The following CDH13 variants were observed in gnomAD, a reference collection of about 807,000 sequenced individuals.
The protein encoded by CDH13 is cadherin 13.
In CDH13, 24 loss-of-function variants were observed where a neutral mutation model predicts 63.8. The ratio of observed to expected loss-of-function variants is 0.38; its 90% CI spans 0.27 to 0.53. The LOEUF is 0.53. CDH13 is among the 20% of genes least tolerant of loss of function. The pLI, the probability that CDH13 is intolerant of heterozygous loss-of-function variation, is 0.85. For synonymous variants in CDH13, 503 were observed against 355.3 expected, an observed-to-expected ratio of 1.42 and a Z score of -4.67; for missense variants, 1,049 against 903.1, an observed-to-expected ratio of 1.16 and a Z score of -2.07.
chr16:83,454,975 G>T (rs1014179235), intron 6 of CDH13, among the ~76,000 whole-genome samples: 3 of 152,158 alleles, frequency 2.0e-5, no homozygotes, highest in Non-Finnish European at 4.4e-5. Context: ...CTCCCAAAGT[G>T]CTGAGATTAC....
intron 7 of CDH13, among the ~76,000 whole-genome samples, chr16:83,538,761 T>C (rs1179143698): frequency 1.3e-5 from 2 of 152,196 alleles, no homozygotes; most frequent in Admixed American, 6.5e-5. Context: ...GAATGCATAA[T>C]CTGTTTTTAA....
At chr16:83,697,597 G>C (rs1184665367) in intron 10 of CDH13, among the ~76,000 whole-genome samples, 1 of 152,218 alleles carries the variant, frequency 6.6e-6, no homozygotes, top group Non-Finnish European at 1.5e-5. Context: ...TTGATGAGTT[G>C]ACAAAAATGT....
intron 10 of CDH13, among the ~76,000 whole-genome samples, chr16:83,683,827 T>A (rs1676753730): frequency 6.6e-6 from 1 of 152,186 alleles, no homozygotes; most frequent in South Asian, 2.1e-4. Flanking sequence ...GGCAGTCAAA[T>A]TTATATTTTC....
Position 83,442,768 on chromosome 16 carries a change from G to T in CDH13, c.782-43709G>T, listed in dbSNP as rs145378732. On this transcript the variant is annotated intron_variant, in intron 6 of 13. Coordinates refer to ENST00000567109, the MANE Select transcript of CDH13 (RefSeq NM_001257.5). The stretch of plus-strand genomic sequence containing the variant: ...GTTACCTTAATACTCTGCCAGAAAG[G>T]CATGGAGAAGATGTAAAATGTTTAT... 8.3e-3 allele frequency among the ~76,000 whole-genome samples: 1,258 copies of T among 152,346 alleles called. 14 individuals carry two copies. Among genetic ancestry groups the T allele is most frequent in the Non-Finnish European group, 0.013 (863 of 68,034 alleles).
At chr16:83,015,677 G>GTATGTATGTA (rs1555562893) in intron 2 of CDH13, among the ~76,000 whole-genome samples, 2 of 37,562 alleles carry the variant, frequency 5.3e-5, no homozygotes, top group Non-Finnish European at 9.7e-5. Flanking sequence ...GTGTGTGTAT[G>GTATGTATGTA]TATATATATA....
At chr16:82,859,935 G>T (rs191387175) in intron 2 of CDH13, among the ~76,000 whole-genome samples, 1 of 152,292 alleles carries the variant, frequency 6.6e-6, no homozygotes, top group East Asian at 1.9e-4. Context: ...TGCAGGGCTG[G>T]CACAATAAGT....
intron 1 of CDH13, among the ~76,000 whole-genome samples, chr16:82,660,947 AC>A (rs1227115075): frequency 2.6e-5 from 4 of 152,066 alleles, no homozygotes. Context: ...AAAAAAAAAA[AC>A]TATTAAGTTC....
chr16:82,951,638 A>G (rs1042933428), intron 2 of CDH13, among the ~76,000 whole-genome samples: 1 of 152,176 alleles, frequency 6.6e-6, no homozygotes, highest in Non-Finnish European at 1.5e-5. Context: ...CAGGGCTGCC[A>G]TGTGCTCCCC....
intron 7 of CDH13, among the ~76,000 whole-genome samples, chr16:83,563,747 A>G (rs145627398): frequency 5.3e-5 from 8 of 152,300 alleles, no homozygotes; most frequent in African/African-American, 1.7e-4. Context: ...CAAGCAGCAT[A>G]TAACTCTCCC....
intron 2 of CDH13, among the ~76,000 whole-genome samples, chr16:83,008,262 A>G (rs1164169016): frequency 6.6e-6 from 1 of 152,220 alleles, no homozygotes; most frequent in East Asian, 1.9e-4. Flanking sequence ...CAGGGTAAAC[A>G]TGTATTGAAA....
intron 8 of CDH13, among the ~76,000 whole-genome samples, chr16:83,649,537 A>C (rs1483884294): frequency 6.6e-6 from 1 of 151,968 alleles, no homozygotes; most frequent in Non-Finnish European, 1.5e-5. Context: ...CTGCAAGGAG[A>C]AATAAGTTGA....
At chr16:83,282,539 CCT>C (rs2089205525) in intron 5 of CDH13, among the ~76,000 whole-genome samples, 1 of 152,124 alleles carries the variant, frequency 6.6e-6, no homozygotes, top group Non-Finnish European at 1.5e-5. Flanking sequence ...CACTAAAACC[CCT>C]GTCTATTTGG....
chr16:83,774,434 G>A (rs1914969001), intron 11 of CDH13, among the ~76,000 whole-genome samples: 1 of 152,004 alleles, frequency 6.6e-6, no homozygotes, highest in South Asian at 2.1e-4. Context: ...GTGCAGTGGT[G>A]CAGTCTCAGC....
At chr16:82,885,202 T>C (rs1041772215) in intron 2 of CDH13, among the ~76,000 whole-genome samples, 1 of 152,218 alleles carries the variant, frequency 6.6e-6, no homozygotes, top group Non-Finnish European at 1.5e-5. Context: ...TGGCTTTGCA[T>C]TGTAAGTAAT....
intron 7 of CDH13, among the ~76,000 whole-genome samples, chr16:83,570,844 A>ATATATTTATATT (rs1904534176): frequency 1.4e-5 from 1 of 73,858 alleles, no homozygotes; most frequent in South Asian, 5.0e-4. Context: ...TTATATTTTT[A>ATATATTTATATT]TATATATAAA....
chr16:83,058,679 A>G (rs1178310112), intron 3 of CDH13, among the ~76,000 whole-genome samples: 2 of 152,172 alleles, frequency 1.3e-5, no homozygotes, highest in African/African-American at 4.8e-5. Context: ...GTGTAAATAG[A>G]ACTAAATATT....
chr16:82,712,414 A>G (rs550001318), intron 1 of CDH13, among the ~76,000 whole-genome samples: 28 of 152,220 alleles, frequency 1.8e-4, no homozygotes, highest in African/African-American at 6.5e-4. Flanking sequence ...CCTCTATGTA[A>G]ATGAAAGGGA....
At chr16:83,409,243 T>C (rs563815666) in intron 6 of CDH13, among the ~76,000 whole-genome samples, 214 of 151,978 alleles carry the variant, frequency 1.4e-3, no homozygotes, top group Non-Finnish European at 2.8e-3. Context: ...CAGAGAAAGA[T>C]ATGGGAGCTG....
chr16:82,939,697 C>G (rs2042775004), intron 2 of CDH13, among the ~76,000 whole-genome samples: 1 of 152,156 alleles, frequency 6.6e-6, no homozygotes, highest in South Asian at 2.1e-4. Context: ...TTAAGAAGTC[C>G]TTTCTCCTCA....
Sources: gnomAD v4.1 joint callset for allele counts (sites outside exome capture counted in the v4.1 genomes callset) on GRCh38, gnomAD v4.1.1 for gene constraint, MANE v1.5 for transcripts, NCBI Gene and HGNC (gene_info 2026-07-23, HGNC 2026-07-21) for gene names.